BMPR1A: variants seen among roughly 807,000 people sequenced by gnomAD.
The protein encoded by BMPR1A is bone morphogenetic protein receptor type-1A.
In BMPR1A, 7 loss-of-function variants were observed where a neutral mutation model predicts 66.0. The observed-to-expected ratio is 0.11, with a 90% confidence interval of 0.06 to 0.20. BMPR1A has a LOEUF of 0.20. Among genes scored for constraint, BMPR1A ranks in the 10% least tolerant of loss-of-function variants. The pLI is 1.00. For missense variants in BMPR1A, 408 were observed against 669.1 expected (o/e 0.61, Z 4.31); for synonymous variants, 200 against 229.7 (o/e 0.87, Z 1.17).
chr10:86,932,561 T>C (rs1843821662), downstream of BMPR1A: 1 of 152,214 alleles, frequency 6.6e-6, no homozygotes, highest in Non-Finnish European at 1.5e-5. Flanking sequence ...TCCCCTTTCC[T>C]TCTCAAAAGG....
intron 1 of BMPR1A, among the ~76,000 whole-genome samples, chr10:86,757,163 G>C (rs1214403036): frequency 6.6e-6 from 1 of 152,134 alleles, no homozygotes; most frequent in Non-Finnish European, 1.5e-5. Context: ...GCGGGTTGCA[G>C]GCCGAGTTTG....
rs1564685586 is a variant in BMPR1A at position 86,790,215 on chromosome 10, ATATATATATATATATATAT to A, written c.-268+33297_-268+33315del. ...TATATATATATATATATATATATAT[ATATATATATATATATATAT>A]ATCAAAACCACAATGAGATTCTGCT... On this transcript the variant is annotated intron_variant, in intron 1 of 12. Coordinates refer to ENST00000372037, the MANE Select transcript of BMPR1A (RefSeq NM_004329.3). 4.0e-4 allele frequency among the ~76,000 whole-genome samples: 40 copies of A among 99,100 alleles called. 11 individuals carry two copies. The highest frequency in any genetic ancestry group is 1.8e-3 in the East Asian group (7 of 3,854). The allele number at this position is 99,100 out of a possible 152,430, so 65.0% of individuals were successfully genotyped here.
intron 5 of BMPR1A, among the ~76,000 whole-genome samples, chr10:86,892,894 T>A (rs1189016354): frequency 6.6e-6 from 1 of 152,002 alleles, no homozygotes; most frequent in Non-Finnish European, 1.5e-5. Context: ...CTTTTTTCTT[T>A]TTTTAAATTT....
intron 1 of BMPR1A, among the ~76,000 whole-genome samples, chr10:86,786,990 A>G (rs1475523259): frequency 6.6e-6 from 1 of 152,188 alleles, no homozygotes; most frequent in African/African-American, 2.4e-5. Context: ...TCTTAACAGT[A>G]TTGAATAATA....
At chr10:86,832,193 C>T (rs952545496) in intron 1 of BMPR1A, among the ~76,000 whole-genome samples, 2 of 152,086 alleles carry the variant, frequency 1.3e-5, no homozygotes, top group African/African-American at 4.8e-5. Flanking sequence ...AAAGGCCGGG[C>T]GCGGTGGCTC....
chr10:86,866,293 A>T (rs1842783823), intron 2 of BMPR1A, among the ~76,000 whole-genome samples: 1 of 140,276 alleles, frequency 7.1e-6, no homozygotes, highest in Non-Finnish European at 1.5e-5. Flanking sequence ...TTTTAATCTC[A>T]TTACTTTCCT....
At chr10:86,791,373 T>C (rs1026104145) in intron 1 of BMPR1A, among the ~76,000 whole-genome samples, 3 of 152,058 alleles carry the variant, frequency 2.0e-5, no homozygotes, top group African/African-American at 7.2e-5. Flanking sequence ...CCACCATGCC[T>C]GGCTAATTTT....
intron 1 of BMPR1A, among the ~76,000 whole-genome samples, chr10:86,823,252 C>T (rs1268089283): frequency 1.3e-5 from 2 of 152,208 alleles, no homozygotes; most frequent in African/African-American, 2.4e-5. Flanking sequence ...TCTAATTACT[C>T]TCTGAAAATA....
intron 3 of BMPR1A, among the ~76,000 whole-genome samples, chr10:86,879,537 G>C (rs968666010): frequency 6.6e-6 from 1 of 152,194 alleles, no homozygotes; most frequent in Non-Finnish European, 1.5e-5. Context: ...AGGGAAGGAG[G>C]AGAAGAATAA....
chr10:86,790,189 ATATATATATATATATATATATAT>A (rs1333488791), intron 1 of BMPR1A, among the ~76,000 whole-genome samples: 4 of 13,196 alleles, frequency 3.0e-4, no homozygotes, highest in African/African-American at 1.2e-3. Flanking sequence ...AAAAAAAAAA[ATATATATATATATATATATATAT>A]ATATATATAT....
At chr10:86,804,295 C>T (rs950345836) in intron 1 of BMPR1A, among the ~76,000 whole-genome samples, 2 of 152,150 alleles carry the variant, frequency 1.3e-5, no homozygotes, top group Admixed American at 1.3e-4. Context: ...GGCTGAAGTG[C>T]AGTGGCGCGA....
At chr10:86,836,004 A>G (rs1842341018) in intron 1 of BMPR1A, among the ~76,000 whole-genome samples, 1 of 152,198 alleles carries the variant, frequency 6.6e-6, no homozygotes, top group East Asian at 1.9e-4. Flanking sequence ...AAGCTTGCAT[A>G]TGTTTTTTAA....
intron 2 of BMPR1A, among the ~76,000 whole-genome samples, chr10:86,841,418 A>G (rs1270766603): frequency 6.6e-6 from 1 of 152,196 alleles, no homozygotes; most frequent in African/African-American, 2.4e-5. Context: ...ACAGGTGACC[A>G]TGTCAGAAAA....
chr10:86,878,793 T>C (rs1842951542), intron 3 of BMPR1A, among the ~76,000 whole-genome samples: 4 of 152,136 alleles, frequency 2.6e-5, no homozygotes, highest in African/African-American at 9.7e-5. Context: ...AGAAACAGGA[T>C]TGTCACAATT....
At chr10:86,897,040 T>C (rs1426516272) in intron 5 of BMPR1A, among the ~76,000 whole-genome samples, 5 of 152,188 alleles carry the variant, frequency 3.3e-5, no homozygotes, top group Admixed American at 2.0e-4. Flanking sequence ...GTTCTTCCAC[T>C]CCCCAGGCTG....
At chr10:86,814,144 A>C (rs919187854) in intron 1 of BMPR1A, among the ~76,000 whole-genome samples, 1 of 152,122 alleles carries the variant, frequency 6.6e-6, no homozygotes, top group African/African-American at 2.4e-5. Context: ...AGTATTTTCC[A>C]GTATGCAATG....
In BMPR1A at chr10:86,891,320, A is replaced by G. The variant is rs568393732; in HGVS notation, c.231-807A>G. ...TGCCTGATGTAATGGGCTGTCTGTT[A>G]GTAGCTTAGTAACCCAGAGTAAAAC... On this transcript the variant is annotated intron_variant, in intron 4 of 12. Transcript: ENST00000372037. Among the ~76,000 whole-genome samples the G allele has an allele frequency of 9.2e-5, 14 of 152,314 alleles. No individual in the cohort carries two copies. In the South Asian group the frequency reaches 2.7e-3, roughly 29 times the overall value.
At chr10:86,922,174 C>G (rs1416767791) in intron 11 of BMPR1A, among the ~76,000 whole-genome samples, 1 of 152,082 alleles carries the variant, frequency 6.6e-6, no homozygotes, top group Non-Finnish European at 1.5e-5. Context: ...CTGTGCCTGG[C>G]TTATTTTACT....
intron 7 of BMPR1A, among the ~76,000 whole-genome samples, chr10:86,903,541 G>A (rs1359124295): frequency 2.0e-5 from 3 of 151,784 alleles, no homozygotes; most frequent in Non-Finnish European, 2.9e-5. Flanking sequence ...GAAGAGAGGA[G>A]GGACGAAAAA....
Sources: gnomAD v4.1 joint callset for allele counts (sites outside exome capture counted in the v4.1 genomes callset) on GRCh38, gnomAD v4.1.1 for gene constraint, MANE v1.5 for transcripts, NCBI Gene and HGNC (gene_info 2026-07-23, HGNC 2026-07-21) for gene names.